Variants in SLC24A2 observed in about 807,000 individuals in gnomAD.
SLC24A2 encodes sodium/potassium/calcium exchanger 2.
Under a neutral mutation model 62.0 loss-of-function variants are expected in SLC24A2, and 36 were observed. That is an observed-to-expected ratio of 0.58 (90% CI 0.44 to 0.77). The LOEUF (loss-of-function observed/expected upper bound fraction) is 0.77, where lower values mean the gene tolerates loss of function less well. Ranked by LOEUF, SLC24A2 falls within the 30% of genes least tolerant of loss-of-function variation. SLC24A2 has a pLI of 0.00. For missense variants in SLC24A2, 846 were observed against 817.9 expected (o/e 1.03, Z -0.42); for synonymous variants, 358 against 294.0 (o/e 1.22, Z -2.23).
intron 5 of SLC24A2, among the ~76,000 whole-genome samples, chr9:19,587,422 T>C (rs1836407477): frequency 6.6e-6 from 1 of 152,192 alleles, no homozygotes; most frequent in Admixed American, 6.5e-5. Context: ...TCTGAGTTCT[T>C]AGTTTATATT....
the SLC24A2 span, among the ~76,000 whole-genome samples, chr9:19,991,800 G>A: frequency 2.0e-5 from 3 of 152,248 alleles, no homozygotes; most frequent in Admixed American, 1.3e-4. Flanking sequence ...GTTGATTATA[G>A]AGGAGAGAAA....
At chr9:20,140,694 T>C in the SLC24A2 span, among the ~76,000 whole-genome samples, 1 of 152,100 alleles carries the variant, frequency 6.6e-6, no homozygotes, top group African/African-American at 2.4e-5. Context: ...GCCTGAGCCA[T>C]CCCATGATAA....
chr9:19,577,099 T>C (rs1836040632), intron 5 of SLC24A2, 77 bp from the exon 6 acceptor site: 4 of 1,128,628 alleles, frequency 3.5e-6, no homozygotes, highest in Non-Finnish European at 5.4e-6. Flanking sequence ...GTATGTGGCC[T>C]CCTCAGTCAC....
chr9:20,191,587 T>A, the SLC24A2 span, among the ~76,000 whole-genome samples: 1 of 151,532 alleles, frequency 6.6e-6, no homozygotes, highest in Non-Finnish European at 1.5e-5. Flanking sequence ...GGCATATATC[T>A]AAAAAAATTA....
chr9:20,295,877 G>A, the SLC24A2 span, among the ~76,000 whole-genome samples: 1 of 152,166 alleles, frequency 6.6e-6, no homozygotes, highest in East Asian at 1.9e-4. Context: ...AACTGCGTGA[G>A]ACAATTCCCC....
At chr9:19,740,985 C>G (rs10964262) in intron 2 of SLC24A2, among the ~76,000 whole-genome samples, 1 of 151,936 alleles carries the variant, frequency 6.6e-6, no homozygotes, top group Non-Finnish European at 1.5e-5. Context: ...TTGGCTTTAT[C>G]TGAAGGTAAA....
At chr9:20,199,674 C>G in the SLC24A2 span, among the ~76,000 whole-genome samples, 1 of 151,754 alleles carries the variant, frequency 6.6e-6, no homozygotes, top group Non-Finnish European at 1.5e-5. Context: ...ATCACAATCT[C>G]CCAAGCATTC....
chr9:20,218,484 A>G, the SLC24A2 span, among the ~76,000 whole-genome samples: 5 of 152,048 alleles, frequency 3.3e-5, no homozygotes, highest in African/African-American at 1.2e-4. Context: ...TTGTGTTGGG[A>G]GCACTAAAAC....
At chr9:19,884,608 A>G in the SLC24A2 span, among the ~76,000 whole-genome samples, 5 of 152,312 alleles carry the variant, frequency 3.3e-5, no homozygotes, top group African/African-American at 9.6e-5. Context: ...ATATATAAAC[A>G]TATGGTTCCT....
At chr9:19,534,113 C>T (rs573047604) in intron 8 of SLC24A2, among the ~76,000 whole-genome samples, 132 of 152,198 alleles carry the variant, frequency 8.7e-4, no homozygotes, top group African/African-American at 2.9e-3. Flanking sequence ...GGAAAAAATT[C>T]GGTCCAGAGT....
chr9:20,069,534 T>C, the SLC24A2 span, among the ~76,000 whole-genome samples: 4 of 152,306 alleles, frequency 2.6e-5, no homozygotes, highest in South Asian at 4.1e-4. Flanking sequence ...AAACAGAACA[T>C]TGCTGGCACC....
the SLC24A2 span, among the ~76,000 whole-genome samples, chr9:20,181,024 A>C: frequency 6.6e-6 from 1 of 152,076 alleles, no homozygotes; most frequent in Non-Finnish European, 1.5e-5. Context: ...CCTTCAGCAC[A>C]TGTTCATGTC....
In SLC24A2 at chr9:19,515,886, G is replaced by A; in HGVS notation, c.*267C>T. On this transcript the variant is annotated 3_prime_UTR_variant, in exon 11 of 11. Coordinates refer to ENST00000341998, the MANE Select transcript of SLC24A2 (RefSeq NM_020344.4). ...ATCGACTGTACCTCCGACCAGCGAG[G>A]TGTACTTGTCAGTGGTGAATAGGGA... 2.1e-6 allele frequency: 1 copy of A among 467,576 alleles called. No individual in the cohort carries two copies. Among genetic ancestry groups the A allele is most frequent in the Non-Finnish European group, 3.9e-6 (1 of 253,686 alleles). The allele number at this position is 467,576 out of a possible 1,614,324, so 29.0% of individuals were successfully genotyped here.
At chr9:20,199,102 T>C in the SLC24A2 span, among the ~76,000 whole-genome samples, 1 of 152,344 alleles carries the variant, frequency 6.6e-6, no homozygotes, top group African/African-American at 2.4e-5. Context: ...ACCAGCCTAT[T>C]GCTTATTAAC....
chr9:20,144,432 A>G, the SLC24A2 span, among the ~76,000 whole-genome samples: 1 of 152,218 alleles, frequency 6.6e-6, no homozygotes, highest in Admixed American at 6.5e-5. Flanking sequence ...CGCTCCGACC[A>G]CTAGCCTGAA....
chr9:20,173,962 A>G, the SLC24A2 span, among the ~76,000 whole-genome samples: 15 of 152,114 alleles, frequency 9.9e-5, no homozygotes, highest in African/African-American at 3.4e-4. Flanking sequence ...CTAGAAAACC[A>G]TAGTCACCAA....
In SLC24A2 at chr9:19,544,590, G is replaced by A. The variant is rs536313775; in HGVS notation, c.1479+5547C>T. 1.2e-3 allele frequency among the ~76,000 whole-genome samples: 186 copies of A among 152,240 alleles called. 1 individual carries two copies. The highest frequency in any genetic ancestry group is 4.1e-3 in the African/African-American group (171 of 41,530). On this transcript the variant is annotated intron_variant, in intron 8 of 10. Coordinates refer to ENST00000341998, the MANE Select transcript of SLC24A2 (RefSeq NM_020344.4). Reference sequence around the variant, plus strand: ...TTCCAGTTGTTCCTCTCCATGTTTAGTGTTTCCTTCAGGAGCTCTTGTAAG... The same window carrying A: ...TTCCAGTTGTTCCTCTCCATGTTTAATGTTTCCTTCAGGAGCTCTTGTAAG...
intron 2 of SLC24A2, among the ~76,000 whole-genome samples, chr9:19,643,154 A>G (rs921489738): frequency 6.6e-5 from 10 of 151,990 alleles, no homozygotes; most frequent in Non-Finnish European, 1.2e-4. Context: ...GGACCCTATT[A>G]ATATGAATAT....
At chr9:20,224,747 C>G in the SLC24A2 span, among the ~76,000 whole-genome samples, 384 of 152,074 alleles carry the variant, frequency 2.5e-3, 1 homozygote, top group African/African-American at 8.7e-3. Flanking sequence ...AATGCATCAC[C>G]AGTTGGAAGG....
Sources: allele counts gnomAD v4.1 joint callset (sites outside exome capture counted in the v4.1 genomes callset), GRCh38; gene constraint gnomAD v4.1.1; transcripts MANE v1.5; gene names NCBI Gene and HGNC (gene_info 2026-07-23, HGNC 2026-07-21).